The following ZFHX3 variants were observed in gnomAD, a reference collection of about 807,000 sequenced individuals.
The protein encoded by ZFHX3 is zinc finger homeobox protein 3.
ZFHX3 carries 42 observed loss-of-function variants against 279.1 expected under a neutral mutation model. The ratio of observed to expected loss-of-function variants is 0.15; its 90% confidence interval spans 0.12 to 0.19. The LOEUF (loss-of-function observed/expected upper bound fraction) is 0.19. ZFHX3 is among the 10% of genes least tolerant of loss of function. The pLI, the probability that ZFHX3 is intolerant of heterozygous loss-of-function variation, is 1.00. For synonymous variants in ZFHX3, 2,293 were observed against 1,957.8 expected (o/e 1.17, Z -4.52); for missense variants, 4,981 against 4,754.0 (o/e 1.05, Z -1.40).
At chr16:73,144,922 T>C (rs961056432) in intron 5 of ZFHX3, among the ~76,000 whole-genome samples, 3 of 152,236 alleles carry the variant, frequency 2.0e-5, no homozygotes, top group Non-Finnish European at 4.4e-5. Flanking sequence ...TTCAATCTAA[T>C]TCCCCCACTG....
chr16:73,309,906 C>CTTTTTGTTTTT (rs2015284871), intron 4 of ZFHX3, among the ~76,000 whole-genome samples: 1 of 114,406 alleles, frequency 8.7e-6, no homozygotes. Flanking sequence ...TTTTTCTTGC[C>CTTTTTGTTTTT]TTTTTTTTTT....
chr16:73,726,508 G>A (rs963004133), intron 1 of ZFHX3, among the ~76,000 whole-genome samples: 5 of 152,136 alleles, frequency 3.3e-5, no homozygotes, highest in South Asian at 2.1e-4. Flanking sequence ...GTAGTAGTCC[G>A]TTCTTGCATC....
chr16:73,567,828 G>A (rs903950074), intron 2 of ZFHX3, among the ~76,000 whole-genome samples: 1 of 152,084 alleles, frequency 6.6e-6, no homozygotes, highest in East Asian at 1.9e-4. Flanking sequence ...GCCTTGAACA[G>A]AACAAACTCT....
chr16:73,839,236 C>T (rs1961229192), intron 1 of ZFHX3, among the ~76,000 whole-genome samples: 2 of 145,568 alleles, frequency 1.4e-5, no homozygotes, highest in African/African-American at 5.1e-5. Context: ...GTGGCGGGCG[C>T]CTGTATTCCC....
At chr16:73,780,333 A>C (rs1959424115) in intron 1 of ZFHX3, among the ~76,000 whole-genome samples, 1 of 149,824 alleles carries the variant, frequency 6.7e-6, no homozygotes, top group African/African-American at 2.5e-5. Context: ...TTTTTAGTAG[A>C]GATGGGGTTT....
intron 1 of ZFHX3, among the ~76,000 whole-genome samples, chr16:73,738,818 C>T (rs754395646): frequency 2.0e-5 from 3 of 152,158 alleles, no homozygotes; most frequent in African/African-American, 4.8e-5. Flanking sequence ...GTTTCCCGGG[C>T]TTCCATGTCA....
chr16:73,878,727 G>T (rs1276687712), intron 1 of ZFHX3, among the ~76,000 whole-genome samples: 1 of 151,626 alleles, frequency 6.6e-6, no homozygotes, highest in African/African-American at 2.4e-5. Flanking sequence ...ATGCAAGAGG[G>T]AGGGGGGACA....
chr16:73,106,634 G>A (rs1192788318), intron 7 of ZFHX3, among the ~76,000 whole-genome samples: 1 of 152,202 alleles, frequency 6.6e-6, no homozygotes, highest in African/African-American at 2.4e-5. Context: ...TAGAGAGGCT[G>A]TTGTAATTCT....
chr16:73,728,812 TACACACACAC>T (rs3049676), intron 1 of ZFHX3, among the ~76,000 whole-genome samples: 20 of 146,152 alleles, frequency 1.4e-4, no homozygotes, highest in Non-Finnish European at 2.1e-4. Flanking sequence ...AATAACCCCC[TACACACACAC>T]ACACACACAC....
At chr16:73,483,351 A>AGAAAG in intron 2 of ZFHX3, 1 of 434,636 alleles carries the variant, frequency 2.3e-6, no homozygotes, top group Non-Finnish European at 4.6e-6. Flanking sequence ...GAGAGAGAGA[A>AGAAAG]AGAGAGAGAG....
chr16:73,370,027 A>T (rs997312877), intron 3 of ZFHX3, among the ~76,000 whole-genome samples: 9 of 152,218 alleles, frequency 5.9e-5, no homozygotes, highest in African/African-American at 1.9e-4. Flanking sequence ...CTCACTTGCA[A>T]CTGTAATGTC....
intron 5 of ZFHX3, among the ~76,000 whole-genome samples, chr16:72,813,185 A>G (rs1181981421): frequency 6.6e-6 from 1 of 152,224 alleles, no homozygotes. Flanking sequence ...ATAAGAAAAA[A>G]AAAGTAATAA....
intron 5 of ZFHX3, among the ~76,000 whole-genome samples, chr16:73,155,105 G>C (rs181143149): frequency 1.1e-4 from 17 of 150,296 alleles, no homozygotes; most frequent in Admixed American, 2.0e-4. Flanking sequence ...GTGGGAGGCA[G>C]AGGTTGCAAG....
chr16:73,023,130 G>A, intron 1 of ZFHX3, among the ~76,000 whole-genome samples: 1 of 152,194 alleles, frequency 6.6e-6, no homozygotes, highest in African/African-American at 2.4e-5. Context: ...AGGAGCCTCA[G>A]GCAGGAGAAT....
At chr16:73,416,302 T>G (rs1042433436) in intron 3 of ZFHX3, among the ~76,000 whole-genome samples, 8 of 152,090 alleles carry the variant, frequency 5.3e-5, no homozygotes, top group Non-Finnish European at 1.2e-4. Context: ...CTGAAAATAT[T>G]TACAGAATCC....
At chr16:73,496,351 T>C (rs2019141898) in intron 2 of ZFHX3, among the ~76,000 whole-genome samples, 1 of 152,158 alleles carries the variant, frequency 6.6e-6, no homozygotes. Context: ...GCCAATATGG[T>C]GAAACCCCAT....
intron 2 of ZFHX3, among the ~76,000 whole-genome samples, chr16:73,538,980 G>C (rs964789797): frequency 2.6e-5 from 4 of 152,132 alleles, no homozygotes; most frequent in African/African-American, 9.7e-5. Context: ...TGTAACACAT[G>C]AGGCAGGAGG....
At chr16:73,441,857 C>T (rs2018099643) in intron 3 of ZFHX3, among the ~76,000 whole-genome samples, 1 of 152,196 alleles carries the variant, frequency 6.6e-6, no homozygotes, top group South Asian at 2.1e-4. Flanking sequence ...TGCAAAACTA[C>T]TTTGTAAACT....
At chr16:73,714,012 G>A (rs1266473495) in intron 1 of ZFHX3, among the ~76,000 whole-genome samples, 3 of 152,148 alleles carry the variant, frequency 2.0e-5, no homozygotes, top group Non-Finnish European at 2.9e-5. Flanking sequence ...CCAGCTTGAT[G>A]TATGATCCCT....
Sources: allele counts gnomAD v4.1 joint callset (sites outside exome capture counted in the v4.1 genomes callset), GRCh38; gene constraint gnomAD v4.1.1; transcripts MANE v1.5; gene names NCBI Gene and HGNC (gene_info 2026-07-23, HGNC 2026-07-21).